The following HIBCH variants were observed in gnomAD, a reference collection of about 807,000 sequenced individuals.
The protein encoded by HIBCH is 3-hydroxyisobutyryl-CoA hydrolase, mitochondrial.
HIBCH carries 50 observed loss-of-function variants against 58.2 expected under a neutral mutation model. The ratio of observed to expected loss-of-function variants is 0.86; its 90% CI spans 0.68 to 1.09. The LOEUF is 1.09. Among genes scored for constraint, HIBCH ranks in the 50% least tolerant of loss-of-function variants. The pLI is 0.00. For synonymous variants in HIBCH, 151 were observed against 146.9 expected (o/e 1.03, Z -0.20); for missense variants, 450 against 449.7 (o/e 1.00, Z -0.01).
intron 11 of HIBCH, among the ~76,000 whole-genome samples, chr2:190,234,811 G>A (rs1298781290): frequency 6.6e-6 from 1 of 151,616 alleles, no homozygotes; most frequent in African/African-American, 2.4e-5. Context: ...GATCACTCCA[G>A]CCTGGGTGAC....
chr2:190,206,643 T>C lies in HIBCH; in HGVS notation c.1046-1411A>G, dbSNP rs74654840. On this transcript the variant is annotated intron_variant, in intron 13 of 13. Transcript: ENST00000359678. This position sits in a 1 kb window ranked among gnomAD's most constrained non-coding sequence, Gnocchi z 5.1. ...TCTTCTATAACCACAAAGTAGTAAT[T>C]TGTTCTAGATGTTAACAGTAAGAAT... Among the ~76,000 whole-genome samples the C allele has an allele frequency of 0.013, 1,971 of 152,328 alleles. 28 individuals carry two copies. Among genetic ancestry groups the C allele is most frequent in the Middle Eastern group, 0.075 (22 of 294 alleles).
intron 8 of HIBCH, chr2:190,251,545 G>A (rs1460854754): frequency 2.2e-6 from 1 of 448,788 alleles, no homozygotes. Flanking sequence ...CTATGTAATA[G>A]TGTCATCTCC....
chr2:190,255,260 G>A (rs1481852930), intron 7 of HIBCH, among the ~76,000 whole-genome samples: 2 of 152,108 alleles, frequency 1.3e-5, no homozygotes, highest in African/African-American at 2.4e-5. Flanking sequence ...TCCTGCCCTC[G>A]ATTCAGACAC....
At chr2:190,220,184 G>T (rs1201495276) in intron 11 of HIBCH, 1 of 152,128 alleles carries the variant, frequency 6.6e-6, no homozygotes, top group East Asian at 1.9e-4. Context: ...TGCTGCAAGA[G>T]GTCATTACAT....
At chr2:190,205,323 G>T in intron 13 of HIBCH, 91 bp from the exon 14 acceptor site, 1 of 735,340 alleles carries the variant, frequency 1.4e-6, no homozygotes. Flanking sequence ...TCTTATACTA[G>T]GCACATTTTT....
In HIBCH at chr2:190,208,892, C is replaced by T. The variant is rs770114459; in HGVS notation, c.1033G>A (p.Gly345Ser). The change falls in exon 13 of 14, where the codon GGC becomes AGC. Residue 345 changes from glycine (G) to serine (S), a missense_variant. By Grantham distance (56) the Gly-to-Ser change is moderately conservative (BLOSUM62 0). Coordinates refer to ENST00000359678, the MANE Select transcript of HIBCH (RefSeq NM_014362.4). ...ACMRGHDFHE[G>S]VRAVLIDKDQ... is the part of the protein sequence containing the mutation. ...ATTTGCCACTTACCAGCTCTAACGC[C>T]TTCATGAAAGTCATGACCTCTCTGA... The T allele has an allele frequency of 3.7e-6, 6 of 1,613,724 alleles. No individual in the cohort carries two copies. Among genetic ancestry groups the T allele is most frequent in the African/African-American group, 1.3e-5 (1 of 75,010 alleles).
intron 1 of HIBCH, among the ~76,000 whole-genome samples, chr2:190,193,372 T>C (rs1040908093): frequency 2.6e-5 from 4 of 152,148 alleles, no homozygotes; most frequent in African/African-American, 9.7e-5. Context: ...ATGAGGGATA[T>C]TGGCCTGTGG....
chr2:190,227,094 G>C (rs1187677330), intron 11 of HIBCH, among the ~76,000 whole-genome samples: 3 of 151,912 alleles, frequency 2.0e-5, no homozygotes, highest in Non-Finnish European at 4.4e-5. Context: ...AGTTCATATG[G>C]AACCAAAAAA....
At chr2:190,220,569 G>C (rs1685688556) in intron 11 of HIBCH, 1 of 151,912 alleles carries the variant, frequency 6.6e-6, no homozygotes, top group African/African-American at 2.4e-5. Context: ...CTTTGCCCTA[G>C]GTGCTTTATG....
intron 1 of HIBCH, among the ~76,000 whole-genome samples, chr2:190,194,477 T>TACACACACACACAC (rs3083429): frequency 6.4e-5 from 9 of 141,370 alleles, no homozygotes; most frequent in Non-Finnish European, 1.2e-4. Flanking sequence ...ATCCTGTGTA[T>TACACACACACACAC]ACACACACAC....
In HIBCH at chr2:190,215,633, A is replaced by G. The variant is rs866901393; in HGVS notation, c.892-2558T>C. The G allele has an allele frequency of 3.9e-5, 6 of 152,220 alleles. No homozygotes were observed. Among genetic ancestry groups the G allele is most frequent in the African/African-American group, 7.2e-5 (3 of 41,454 alleles). 9.4% of individuals were successfully genotyped at this position (152,220 alleles called of 1,614,324 possible). ...GGTTAATGGATGGAATGAAAAACCA[A>G]TTAAGGAATTACTAAGGGAAGCTCA... On this transcript the variant is annotated intron_variant, in intron 11 of 13. Coordinates refer to ENST00000359678, the MANE Select transcript of HIBCH (RefSeq NM_014362.4). This position sits in a 1 kb window ranked among gnomAD's most constrained non-coding sequence, Gnocchi z 4.4.
intron 11 of HIBCH, among the ~76,000 whole-genome samples, chr2:190,224,386 A>T (rs181435065): frequency 7.6e-4 from 115 of 152,214 alleles, no homozygotes; most frequent in African/African-American, 2.4e-3. Flanking sequence ...TATTCAGGAG[A>T]CCCATCTCAT....
intron 11 of HIBCH, among the ~76,000 whole-genome samples, chr2:190,239,925 C>T (rs1165043969): frequency 6.6e-6 from 1 of 152,188 alleles, no homozygotes; most frequent in Non-Finnish European, 1.5e-5. Flanking sequence ...GCTGGGATTA[C>T]AGGCATGAGC....
At chr2:190,302,100 G>T (rs1408367868) in intron 2 of HIBCH, among the ~76,000 whole-genome samples, 7 of 148,728 alleles carry the variant, frequency 4.7e-5, no homozygotes, top group African/African-American at 1.7e-4. Flanking sequence ...GTCAACTGAA[G>T]AATCAGAAGA....
chr2:190,282,278 T>C (rs1485056123), intron 6 of HIBCH, among the ~76,000 whole-genome samples: 3 of 152,174 alleles, frequency 2.0e-5, no homozygotes, highest in South Asian at 4.1e-4. Context: ...AGGTAACTTA[T>C]AAAACAAAAT....
intron 12 of HIBCH, 106 bp downstream of exon 12, chr2:190,212,850 G>A: frequency 1.0e-6 from 1 of 967,186 alleles, no homozygotes; most frequent in Non-Finnish European, 1.6e-6. Flanking sequence ...TAAATTTACA[G>A]GTGGTTTTAA....
chr2:190,290,974 G>A (rs947291152), intron 4 of HIBCH, among the ~76,000 whole-genome samples: 2 of 151,974 alleles, frequency 1.3e-5, no homozygotes, highest in Non-Finnish European at 2.9e-5. Context: ...TCACACCACT[G>A]TACTCTAGCC....
chr2:190,225,293 G>C (rs1207900324), intron 11 of HIBCH, among the ~76,000 whole-genome samples: 10 of 152,102 alleles, frequency 6.6e-5, no homozygotes, highest in Non-Finnish European at 1.3e-4. Flanking sequence ...AGGAAATAGA[G>C]ACACAAAAAA....
intron 6 of HIBCH, among the ~76,000 whole-genome samples, chr2:190,283,881 A>T (rs1489333871): frequency 6.6e-6 from 1 of 152,232 alleles, no homozygotes; most frequent in East Asian, 1.9e-4. Context: ...GTACCATTCG[A>T]GAAGCACAGG....
Sources: gnomAD v4.1 joint callset for allele counts (sites outside exome capture counted in the v4.1 genomes callset) on GRCh38, gnomAD v4.1.1 for gene constraint, Gnocchi (gnomAD v3.1) non-coding constraint, MANE v1.5 for transcripts, NCBI Gene and HGNC (gene_info 2026-07-23, HGNC 2026-07-21) for gene names.